GDPD5: variants seen among roughly 807,000 people sequenced by gnomAD.
The protein encoded by GDPD5 is glycerophosphodiester phosphodiesterase 2.
GDPD5 carries 48 observed loss-of-function variants against 75.1 expected under a neutral mutation model. The ratio of observed to expected loss-of-function variants is 0.64; its 90% CI spans 0.51 to 0.81. GDPD5 has a LOEUF of 0.81. Ranked by LOEUF, GDPD5 falls within the 40% of genes least tolerant of loss-of-function variation. The pLI, the probability that GDPD5 is intolerant of heterozygous loss-of-function variation, is 0.00. For synonymous variants in GDPD5, 336 were observed against 339.0 expected, an observed-to-expected ratio of 0.99 and a Z score of 0.10; for missense variants, 706 against 822.6, an observed-to-expected ratio of 0.86 and a Z score of 1.73.
chr11:75,519,923 C>T (rs1406457991), intron 1 of GDPD5, among the ~76,000 whole-genome samples: 2 of 152,244 alleles, frequency 1.3e-5, no homozygotes, highest in Non-Finnish European at 2.9e-5. Flanking sequence ...CTCACACTCT[C>T]TGCCCAGCAT....
intron 15 of GDPD5, 97 bp downstream of exon 15, chr11:75,439,773 CTCCTGGCTG>C: frequency 1.1e-6 from 1 of 914,860 alleles, no homozygotes; most frequent in Non-Finnish European, 1.8e-6. Context: ...GTCAGGCCTG[CTCCTGGCTG>C]AGGCCCAGGG....
intron 3 of GDPD5, among the ~76,000 whole-genome samples, chr11:75,475,728 T>C (rs1295948414): frequency 6.6e-6 from 1 of 152,124 alleles, no homozygotes; most frequent in Non-Finnish European, 1.5e-5. Flanking sequence ...CTCAGCCCTT[T>C]CTGCAGAGGC....
chr11:75,457,979 A>C (rs1263360319), intron 4 of GDPD5, among the ~76,000 whole-genome samples, 193 bp from the exon 5 acceptor site: 1 of 152,212 alleles, frequency 6.6e-6, no homozygotes, highest in Admixed American at 6.5e-5. Flanking sequence ...GGGGACCAAG[A>C]AATGTAAAGG....
At chr11:75,442,879 G>GAGTTAA in intron 11 of GDPD5, 1 of 604,884 alleles carries the variant, frequency 1.7e-6, no homozygotes, top group Non-Finnish European at 2.9e-6. Context: ...GAGTTTTACA[G>GAGTTAA]AGTTAAGAAT....
chr11:75,450,269 G>C (rs1160770673), intron 6 of GDPD5: 14 of 529,036 alleles, frequency 2.6e-5, no homozygotes, highest in Non-Finnish European at 4.4e-5. Context: ...GAGGAGGAGG[G>C]AACTGTGAGG....
chr11:75,497,849 G>T (rs1950238882), intron 1 of GDPD5, among the ~76,000 whole-genome samples: 1 of 152,146 alleles, frequency 6.6e-6, no homozygotes, highest in South Asian at 2.1e-4. Context: ...AGCAGGTCCT[G>T]GCCCTCTCTG....
chr11:75,501,451 T>C (rs1032423891), intron 1 of GDPD5, among the ~76,000 whole-genome samples: 9 of 152,144 alleles, frequency 5.9e-5, no homozygotes, highest in African/African-American at 2.2e-4. Flanking sequence ...CTCCCAGAAG[T>C]ACATGGAGCC....
chr11:75,469,293 G>A (rs1949602889), intron 3 of GDPD5, among the ~76,000 whole-genome samples: 3 of 152,190 alleles, frequency 2.0e-5, no homozygotes, highest in Non-Finnish European at 4.4e-5. Flanking sequence ...ACAGAGTCCT[G>A]TGTGAGCTCA....
At chr11:75,445,854 CATT>C (rs1166814013) in intron 9 of GDPD5, among the ~76,000 whole-genome samples, 1 of 152,180 alleles carries the variant, frequency 6.6e-6, no homozygotes, top group Non-Finnish European at 1.5e-5. Flanking sequence ...AATGGGCTAA[CATT>C]ATCAACCTCA....
intron 3 of GDPD5, among the ~76,000 whole-genome samples, chr11:75,475,819 C>A (rs183031832): frequency 6.6e-6 from 1 of 152,348 alleles, no homozygotes; most frequent in African/African-American, 2.4e-5. Flanking sequence ...CCAGCCTTGG[C>A]CCCAGACCCC....
At chr11:75,453,346 T>A (rs1949212440) in intron 6 of GDPD5, among the ~76,000 whole-genome samples, 3 of 152,074 alleles carry the variant, frequency 2.0e-5, no homozygotes, top group African/African-American at 7.2e-5. Context: ...AGGCCAGGCA[T>A]GGTGGATCAT....
At chr11:75,479,774 T>A (rs372910695) in intron 2 of GDPD5, among the ~76,000 whole-genome samples, 2 of 152,208 alleles carry the variant, frequency 1.3e-5, no homozygotes, top group African/African-American at 4.8e-5. Context: ...ACTTGCCTAT[T>A]CTAGAGACCT....
At chr11:75,490,781 G>C (rs1270067688) in intron 1 of GDPD5, 2 of 152,282 alleles carry the variant, frequency 1.3e-5, no homozygotes, top group Non-Finnish European at 2.9e-5. Flanking sequence ...CCCGGAGGTG[G>C]GATCTGGGGC....
At chr11:75,515,119 T>C (rs901354675) in intron 1 of GDPD5, among the ~76,000 whole-genome samples, 2 of 152,192 alleles carry the variant, frequency 1.3e-5, no homozygotes, top group Non-Finnish European at 2.9e-5. Context: ...GCCATGGGCA[T>C]CTCACTGTGT....
At chr11:75,515,722 C>T (rs999634461) in intron 1 of GDPD5, among the ~76,000 whole-genome samples, 2 of 152,218 alleles carry the variant, frequency 1.3e-5, no homozygotes, top group Admixed American at 1.3e-4. Flanking sequence ...GCTCTGTGCA[C>T]CTGAACTCGC....
chr11:75,486,086 G>A (rs1224084608), intron 2 of GDPD5, among the ~76,000 whole-genome samples: 1 of 152,168 alleles, frequency 6.6e-6, no homozygotes, highest in African/African-American at 2.4e-5. Context: ...TATCATGGGA[G>A]GGTTTGAGCA....
At chr11:75,441,539 C>T (rs1283972958) in intron 13 of GDPD5, 107 bp downstream of exon 13, 13 of 1,200,468 alleles carry the variant, frequency 1.1e-5, no homozygotes, top group South Asian at 7.4e-5. Context: ...TCCCTCTGCC[C>T]GACCGTGTGT....
At chr11:75,473,515 C>T (rs576292923) in intron 3 of GDPD5, among the ~76,000 whole-genome samples, 2 of 152,198 alleles carry the variant, frequency 1.3e-5, no homozygotes, top group African/African-American at 4.8e-5. Flanking sequence ...CCTCCTCACT[C>T]CCCACATAGA....
At chr11:75,491,415 A>C (rs1199938473) in intron 1 of GDPD5, among the ~76,000 whole-genome samples, 1 of 152,258 alleles carries the variant, frequency 6.6e-6, no homozygotes, top group Admixed American at 6.5e-5. Context: ...ATGTTTGAGA[A>C]GCCATGGTCT....
Sources: allele counts gnomAD v4.1 joint callset (sites outside exome capture counted in the v4.1 genomes callset), GRCh38; gene constraint gnomAD v4.1.1; transcripts MANE v1.5; gene names NCBI Gene and HGNC (gene_info 2026-07-23, HGNC 2026-07-21).